The following GNAI2 variants were observed in gnomAD, a reference collection of about 807,000 sequenced individuals.
The protein encoded by GNAI2 is G protein subunit alpha i2, also known as guanine nucleotide-binding protein G(i) subunit alpha-2.
In GNAI2, 4 loss-of-function variants were observed where a neutral mutation model predicts 36.8. That is an observed-to-expected ratio of 0.11 (90% confidence interval 0.05 to 0.25). The LOEUF (loss-of-function observed/expected upper bound fraction) is 0.25. Ranked by LOEUF, GNAI2 falls within the 10% of genes least tolerant of loss-of-function variation. The probability of loss-of-function intolerance (pLI) is 1.00; values close to 1 mark genes in which losing one functional copy is unlikely to be tolerated. For synonymous variants in GNAI2, 194 were observed against 194.1 expected, an observed-to-expected ratio of 1.00 and a Z score of 0.01; for missense variants, 230 against 481.3, an observed-to-expected ratio of 0.48 and a Z score of 4.89.
At chr3:50,232,520 A>G (rs1700086489), upstream of GNAI2, among the ~76,000 whole-genome samples, 1 of 152,182 alleles carries the variant, frequency 6.6e-6, no homozygotes, top group Admixed American at 6.5e-5. Flanking sequence ...GTACTTGTCC[A>G]AAGTAACAAG....
In GNAI2 at chr3:50,238,817, C is replaced by T. The variant is rs371760810; in HGVS notation, c.118+2364C>T. 1.1e-4 allele frequency among the ~76,000 whole-genome samples: 16 copies of T among 152,336 alleles called. No homozygotes were observed. The highest frequency in any genetic ancestry group is 3.4e-4 in the African/African-American group (14 of 41,578). ...GCTGTGGTAAGTTCAGAGTTCTGGG[C>T]GCCTGTCCCATGTAGCGGGAGACTT... On this transcript the variant is annotated intron_variant, in intron 1 of 8. Coordinates refer to ENST00000313601, the MANE Select transcript of GNAI2 (RefSeq NM_002070.4). This position sits in a 1 kb window ranked among gnomAD's most constrained non-coding sequence, Gnocchi z 5.0.
chr3:50,257,572 C>G lies in GNAI2; in HGVS notation c.950C>G (p.Thr317Ser), dbSNP rs372568318. Residue 317 changes from threonine (T) to serine (S), a missense_variant, in exon 8 of 9, where the codon ACC (threonine) becomes AGC (serine). This residue lies in a region of GNAI2 where 51 missense variants were observed against 56.7 expected (regional missense o/e 0.90). Coordinates refer to ENST00000313601, the MANE Select transcript of GNAI2 (RefSeq NM_002070.4). ...GAGGACCTGAATAAGCGCAAAGACA[C>G]CAAGGAGATCTACACGCACTTCACG... is the stretch of plus-strand genomic sequence containing the variant. ...KFEDLNKRKDTKEIYTHFTCA... is the reference protein window; with the variant it reads ...KFEDLNKRKDSKEIYTHFTCA... 335 of 1,606,868 alleles carry G rather than the reference C, an allele frequency of 2.1e-4. No individual in the cohort carries two copies. The highest frequency in any genetic ancestry group is 2.7e-4 in the Non-Finnish European group (317 of 1,175,428).
intron 1 of GNAI2, among the ~76,000 whole-genome samples, chr3:50,247,813 A>T (rs1256338421): frequency 6.6e-6 from 1 of 152,098 alleles, no homozygotes; most frequent in African/African-American, 2.4e-5. Flanking sequence ...ACCCCAGGGA[A>T]CCTCTGCAGG....
intron 1 of GNAI2, chr3:50,246,952 C>T: frequency 1.3e-6 from 2 of 1,500,342 alleles, no homozygotes; most frequent in Non-Finnish European, 1.8e-6. Flanking sequence ...CACCACAGCT[C>T]TGAATCAGCC....
At chr3:50,227,328 C>G (rs587730343), upstream of GNAI2, 153 of 453,954 alleles carry the variant, frequency 3.4e-4, 1 homozygote, top group East Asian at 5.3e-3. This position sits in a 1 kb window ranked among gnomAD's most constrained non-coding sequence, Gnocchi z 5.9. Flanking sequence ...GACCGGGCCT[C>G]GACGGCCAAG....
intron 1 of GNAI2, among the ~76,000 whole-genome samples, chr3:50,245,006 T>C (rs1340078980): frequency 7.2e-5 from 11 of 151,928 alleles, no homozygotes; most frequent in African/African-American, 2.2e-4. Flanking sequence ...GATTTTTTTT[T>C]TTTTTTTCTG....
At chr3:50,240,745 C>T (rs1361097662) in intron 1 of GNAI2, among the ~76,000 whole-genome samples, 3 of 151,768 alleles carry the variant, frequency 2.0e-5, no homozygotes, top group African/African-American at 4.8e-5. Flanking sequence ...GGTGAAACCC[C>T]GTCTCTACTA....
rs1169192632 is a variant in GNAI2 at position 50,246,808 on chromosome 3, G to A, written c.119-5292G>A. 5.5e-6 allele frequency: 5 copies of A among 910,076 alleles called. No individual in the cohort carries two copies. In the East Asian group the frequency reaches 1.5e-4, roughly 27 times the overall value. The allele number at this position is 910,076 out of a possible 1,614,324, so 56.4% of individuals were successfully genotyped here. ...GAGCAATGTCAGCAGTGAGGCTCCT[G>A]GGCAGGAAGGAGGCCCCAGCTGTGT... On this transcript the variant is annotated intron_variant, in intron 1 of 8. Transcript: ENST00000313601.
chr3:50,252,343 G>A lies in GNAI2; in HGVS notation c.162-54G>A, dbSNP rs587722982. ...CAGGTCCCAGTAGCCCCAGGCAGCC[G>A]TGGGAACTCCCAGTGCCCAGGGGAC... On this transcript the variant is annotated intron_variant, in intron 2 of 8. Coordinates refer to ENST00000313601, the MANE Select transcript of GNAI2 (RefSeq NM_002070.4). The surrounding 1 kb of genome is among the most constrained non-coding windows in gnomAD (Gnocchi z 4.1). 673 of 1,589,234 alleles carry A rather than the reference G, an allele frequency of 4.2e-4. No homozygotes were observed. The highest frequency in any genetic ancestry group is 5.2e-4 in the Non-Finnish European group (608 of 1,158,872).
chr3:50,236,004 CCCCGCCTGCAGCCCAGGCCCGAGCCTGG>C, upstream of GNAI2: 1 of 186,928 alleles, frequency 5.3e-6, no homozygotes, highest in Non-Finnish European at 1.1e-5. This position sits in a 1 kb window ranked among gnomAD's most constrained non-coding sequence, Gnocchi z 4.0. Flanking sequence ...CTCCGCGTGG[CCCCGCCTGCAGCCCAGGCCCGAGCCTGG>C]GCTGCGCCTA....
Position 50,253,227 on chromosome 3 carries a change from G to T in GNAI2, c.464+43G>T, listed in dbSNP as rs375051340. 3.3e-5 allele frequency: 51 copies of T among 1,539,000 alleles called. No homozygotes were observed. The highest frequency in any genetic ancestry group is 4.2e-5 in the Non-Finnish European group (47 of 1,120,288). On this transcript the variant is annotated intron_variant, in intron 4 of 8. Transcript: ENST00000313601. This position sits in a 1 kb window ranked among gnomAD's most constrained non-coding sequence, Gnocchi z 4.2. ...CTGGGCAGGGCAGGGCAGGGGCTGG[G>T]GGAGGACTAAAGGCTGGACCGGAGG...
chr3:50,246,848 A>G, intron 1 of GNAI2: 29 of 1,370,486 alleles, frequency 2.1e-5, no homozygotes, highest in Non-Finnish European at 2.8e-5. Flanking sequence ...GTGCCGGGTT[A>G]TACTGAAGGG....
At position 50,236,572 on chromosome 3, in the gene GNAI2, C is replaced by T. The variant is rs1212923428; in HGVS notation, c.118+119C>T. ...ACCCGGGCTGTCTGGGACCCCACAC[C>T]TGGGCCAGGACCAGGGTTGAAAACT... On this transcript the variant is annotated intron_variant, in intron 1 of 8. Transcript: ENST00000313601. This position sits in a 1 kb window ranked among gnomAD's most constrained non-coding sequence, Gnocchi z 4.0. The T allele has an allele frequency of 7.3e-7, 1 of 1,367,066 alleles. No homozygotes were observed. The highest frequency in any genetic ancestry group is 3.0e-5 in the East Asian group (1 of 33,250). The allele number at this position is 1,367,066 out of a possible 1,614,324, so 84.7% of individuals were successfully genotyped here.
At chr3:50,231,724 C>T (rs587697432), upstream of GNAI2, among the ~76,000 whole-genome samples, 14 of 152,234 alleles carry the variant, frequency 9.2e-5, no homozygotes, top group South Asian at 2.9e-3. Flanking sequence ...AAGCCCAGCT[C>T]ACAGCCAGGG....
chr3:50,251,086 C>T (rs1479375184), intron 1 of GNAI2, among the ~76,000 whole-genome samples: 1 of 152,160 alleles, frequency 6.6e-6, no homozygotes, highest in Non-Finnish European at 1.5e-5. Context: ...GCTGGGATTA[C>T]AGGCATGAGC....
rs117608114 is a variant in GNAI2 at position 50,247,524 on chromosome 3, C to A, written c.119-4576C>A. Among the ~76,000 whole-genome samples, 4 of 152,362 alleles carry A rather than the reference C, an allele frequency of 2.6e-5. No homozygotes were observed. In the East Asian group the frequency reaches 7.7e-4, roughly 29 times the overall value. ...GGGGCCTGGACTAAGCATCAAGTGA[C>A]AAGACCTGTGGGCCTGTCTCTCCTG... On this transcript the variant is annotated intron_variant, in intron 1 of 8. Transcript: ENST00000313601.
At chr3:50,228,568 A>AC (rs2109168156), upstream of GNAI2, among the ~76,000 whole-genome samples, 1 of 152,076 alleles carries the variant, frequency 6.6e-6, no homozygotes, top group Non-Finnish European at 1.5e-5. Context: ...AAAAAAAAAA[A>AC]AATTCAGATG....
At position 50,241,559 on chromosome 3, in the gene GNAI2, G is replaced by T. The variant is rs1032851361; in HGVS notation, c.118+5106G>T. Among the ~76,000 whole-genome samples, 1 of 152,218 alleles carries T rather than the reference G, an allele frequency of 6.6e-6. No individual in the cohort carries two copies. Among genetic ancestry groups the T allele is most frequent in the African/African-American group, 2.4e-5 (1 of 41,452 alleles). On this transcript the variant is annotated intron_variant, in intron 1 of 8. Transcript: ENST00000313601. The surrounding 1 kb of genome is among the most constrained non-coding windows in gnomAD (Gnocchi z 5.0). ...TTTAAGGGATACCTCTGAGCTGAGA[G>T]ACTAGGTGAATCAGGGCAGCTGGAG...
intron 5 of GNAI2, 103 bp from the exon 6 acceptor site, chr3:50,256,620 C>G (rs1681569265): frequency 7.9e-7 from 1 of 1,265,048 alleles, no homozygotes; most frequent in Non-Finnish European, 1.1e-6. Flanking sequence ...GGTAGCTGCC[C>G]TACTCTGGGC....
Sources: gnomAD v4.1 joint callset for allele counts (sites outside exome capture counted in the v4.1 genomes callset) on GRCh38, gnomAD v4.1.1 for gene constraint, gnomAD v4.1.1 regional missense constraint, Gnocchi (gnomAD v3.1) non-coding constraint, MANE v1.5 for transcripts, NCBI Gene and HGNC (gene_info 2026-07-23, HGNC 2026-07-21) for gene names.